The following SFXN5 variants were observed in gnomAD, a reference collection of about 807,000 sequenced individuals.
SFXN5 encodes sideroflexin-5.
SFXN5 carries 43 observed loss-of-function variants against 50.2 expected under a neutral mutation model. The observed-to-expected ratio is 0.86, with a 90% CI of 0.67 to 1.11. The LOEUF is 1.11. SFXN5 is among the 50% of genes least tolerant of loss of function. The pLI, the probability that SFXN5 is intolerant of heterozygous loss-of-function variation, is 0.00. For synonymous variants in SFXN5, 203 were observed against 185.8 expected, an observed-to-expected ratio of 1.09 and a Z score of -0.75; for missense variants, 463 against 454.1, an observed-to-expected ratio of 1.02 and a Z score of -0.18.
chr2:72,957,104 C>T, intron 13 of SFXN5: 1 of 456,520 alleles, frequency 2.2e-6, no homozygotes, highest in South Asian at 1.5e-5. Flanking sequence ...TTTCTTCCTC[C>T]TATAGTGGAC....
intron 6 of SFXN5, among the ~76,000 whole-genome samples, chr2:73,015,972 C>T (rs1368290828): frequency 6.6e-6 from 1 of 150,630 alleles, no homozygotes; most frequent in Non-Finnish European, 1.5e-5. Context: ...CTCTATATTT[C>T]GTCTTTCTAG....
At chr2:73,050,250 C>T (rs147623109) in intron 2 of SFXN5, among the ~76,000 whole-genome samples, 65 of 152,300 alleles carry the variant, frequency 4.3e-4, no homozygotes, top group African/African-American at 1.4e-3. Context: ...AGAGACAGCC[C>T]TATCCCCACA....
chr2:73,044,977 G>A lies in SFXN5; in HGVS notation c.172-4046C>T, dbSNP rs141525355. On this transcript the variant is annotated intron_variant, in intron 2 of 13. Coordinates refer to ENST00000272433, the MANE Select transcript of SFXN5 (RefSeq NM_144579.3). ...GGATACCCCGATGGAGGGGAATGGGGACAGAGGGACAAGGAAGAAAAAGAG... is the reference window on the plus strand; with the variant it reads ...GGATACCCCGATGGAGGGGAATGGGAACAGAGGGACAAGGAAGAAAAAGAG... 3.0e-3 allele frequency among the ~76,000 whole-genome samples: 455 copies of A among 152,326 alleles called. 2 individuals are homozygous for A. Among genetic ancestry groups the A allele is most frequent in the Non-Finnish European group, 5.0e-3 (340 of 68,026 alleles).
At chr2:72,972,216 C>T (rs751305768) in intron 10 of SFXN5, among the ~76,000 whole-genome samples, 1 of 152,192 alleles carries the variant, frequency 6.6e-6, no homozygotes, top group Non-Finnish European at 1.5e-5. Context: ...AGTGTTCACC[C>T]AGCACCACCC....
At position 72,998,987 on chromosome 2, in the gene SFXN5, C is replaced by T. The variant is rs895326244; in HGVS notation, c.496G>A (p.Gly166Arg). ...GCGCTGATGACAGCTCCCAGGTATC[C>T]CTGGATGAACTTGGATGCAGGTGAA... ...KPSPASKFIQ[G>R]YLGAVISAVS... The change falls in exon 9 of 14, where the codon GGA becomes AGA. Residue 166 changes from glycine (G) to arginine (R), a missense_variant. Gly to Arg is a moderately radical substitution (Grantham distance 125, BLOSUM62 -2). Transcript: ENST00000272433. 1.2e-6 allele frequency: 2 copies of T among 1,614,166 alleles called. No homozygotes were observed. The highest frequency in any genetic ancestry group is 2.2e-5 in the East Asian group (1 of 44,886).
intron 1 of SFXN5, chr2:73,059,994 T>C: frequency 2.0e-6 from 1 of 504,632 alleles, no homozygotes; most frequent in South Asian, 8.4e-5. Context: ...TTTTCAAACA[T>C]TTATGACATG....
At chr2:73,054,373 G>C (rs904999643) in intron 2 of SFXN5, among the ~76,000 whole-genome samples, 24 of 152,004 alleles carry the variant, frequency 1.6e-4, no homozygotes, top group African/African-American at 5.1e-4. Context: ...TAAATTAATA[G>C]TTTTTTTTAA....
rs527803376 is a variant in SFXN5, at chr2:72,944,843, T to C, written c.*179A>G. Reference sequence around the variant, plus strand: ...GTACGAAATGTGTTAGAACTCCTCTTGCCTATGTTAAAATGTGAATGGGTC... The same window carrying C: ...GTACGAAATGTGTTAGAACTCCTCTCGCCTATGTTAAAATGTGAATGGGTC... On this transcript the variant is annotated 3_prime_UTR_variant, in exon 14 of 14. Transcript: ENST00000272433. 4.9e-5 allele frequency: 29 copies of C among 586,234 alleles called. No homozygotes were observed. The highest frequency in any genetic ancestry group is 4.9e-4 in the African/African-American group (26 of 53,510). 36.3% of individuals were successfully genotyped at this position (586,234 alleles called of 1,614,324 possible).
At position 72,944,779 on chromosome 2, in the gene SFXN5, C is replaced by G; in HGVS notation, c.*243G>C. 1 of 484,674 alleles carries G rather than the reference C, an allele frequency of 2.1e-6. No homozygotes were observed. Among genetic ancestry groups the G allele is most frequent in the Non-Finnish European group, 3.7e-6 (1 of 273,306 alleles). 30.0% of individuals were successfully genotyped at this position (484,674 alleles called of 1,614,324 possible). On this transcript the variant is annotated 3_prime_UTR_variant, in exon 14 of 14. Coordinates refer to ENST00000272433, the MANE Select transcript of SFXN5 (RefSeq NM_144579.3). ...ATTGTGCTGAGTGGAGTTTTGACAACCCCACATAAGGCCCAGAAATGCACT... is the reference window on the plus strand; with the variant it reads ...ATTGTGCTGAGTGGAGTTTTGACAAGCCCACATAAGGCCCAGAAATGCACT...
Position 72,957,450 on chromosome 2 carries a change from C to T in SFXN5, c.945+3681G>A, listed in dbSNP as rs116919322. Among the ~76,000 whole-genome samples, 83 of 152,338 alleles carry T rather than the reference C, an allele frequency of 5.4e-4. 2 individuals are homozygous for T. In the East Asian group the frequency reaches 0.014, roughly 27 times the overall value. On this transcript the variant is annotated intron_variant, in intron 13 of 13. Coordinates refer to ENST00000272433, the MANE Select transcript of SFXN5 (RefSeq NM_144579.3). ...GAAGGATTGAAGTCCTTGCCTCAAT[C>T]TCTGGGGTTAGTGAGTTGGAAACTC...
chr2:73,014,937 T>C (rs1675963889), intron 6 of SFXN5, among the ~76,000 whole-genome samples: 1 of 152,182 alleles, frequency 6.6e-6, no homozygotes, highest in South Asian at 2.1e-4. Context: ...TCTAATACCA[T>C]TGTTTATTTT....
intron 9 of SFXN5, among the ~76,000 whole-genome samples, chr2:72,991,266 G>A (rs1672565929): frequency 6.6e-6 from 1 of 152,170 alleles, no homozygotes; most frequent in African/African-American, 2.4e-5. Flanking sequence ...AGAAAACAGT[G>A]TCCTCGTCCC....
rs753547079 is a variant in SFXN5, at chr2:72,945,674, C to G, written c.946-575G>C. Among the ~76,000 whole-genome samples the G allele has an allele frequency of 2.6e-5, 4 of 152,150 alleles. No individual in the cohort carries two copies. Among genetic ancestry groups the G allele is most frequent in the Non-Finnish European group, 4.4e-5 (3 of 68,010 alleles). Reference sequence around the variant, plus strand: ...CCAGGGGCCATCCCTTCAGCTACTCCCTAGCCCAAGGGTCCCTCCCACGCT... The same window carrying G: ...CCAGGGGCCATCCCTTCAGCTACTCGCTAGCCCAAGGGTCCCTCCCACGCT... On this transcript the variant is annotated intron_variant, in intron 13 of 13. Coordinates refer to ENST00000272433, the MANE Select transcript of SFXN5 (RefSeq NM_144579.3). This position sits in a 1 kb window ranked among gnomAD's most constrained non-coding sequence, Gnocchi z 5.8.
At chr2:72,998,178 G>A (rs967830312) in intron 9 of SFXN5, 3 of 152,106 alleles carry the variant, frequency 2.0e-5, no homozygotes, top group South Asian at 2.1e-4. Flanking sequence ...CTCTGGAGTC[G>A]GCTATAGAAG....
At chr2:73,025,386 C>A (rs958148932) in intron 3 of SFXN5, among the ~76,000 whole-genome samples, 1 of 152,192 alleles carries the variant, frequency 6.6e-6, no homozygotes, top group African/African-American at 2.4e-5. Context: ...TATCTCCTAG[C>A]ACATTCCATC....
intron 5 of SFXN5, among the ~76,000 whole-genome samples, chr2:73,022,040 T>C (rs1422726206): frequency 2.0e-5 from 3 of 152,138 alleles, no homozygotes; most frequent in Non-Finnish European, 4.4e-5. Flanking sequence ...CAACAGTGCA[T>C]CCATTCTGAA....
At chr2:72,954,430 C>G (rs1672854704) in intron 13 of SFXN5, among the ~76,000 whole-genome samples, 1 of 152,152 alleles carries the variant, frequency 6.6e-6, no homozygotes, top group Admixed American at 6.5e-5. Flanking sequence ...CAGATGCCAA[C>G]AAACCAACAA....
chr2:73,034,568 C>T (rs111868803), intron 3 of SFXN5, among the ~76,000 whole-genome samples: 5,764 of 152,212 alleles, frequency 0.038, 160 homozygotes, highest in Non-Finnish European at 0.058. Context: ...ACATTCATTA[C>T]CCTGGGTGCA....
At chr2:73,005,808 C>A (rs994812811) in intron 6 of SFXN5, among the ~76,000 whole-genome samples, 1 of 152,148 alleles carries the variant, frequency 6.6e-6, no homozygotes, top group South Asian at 2.1e-4. Context: ...TGGGCCCACA[C>A]CCCAGGGTGG....
Sources: gnomAD v4.1 joint callset for allele counts (sites outside exome capture counted in the v4.1 genomes callset) on GRCh38, gnomAD v4.1.1 for gene constraint, Gnocchi (gnomAD v3.1) non-coding constraint, MANE v1.5 for transcripts, NCBI Gene and HGNC (gene_info 2026-07-23, HGNC 2026-07-21) for gene names.